Variants in IL1RAPL2 observed in about 807,000 individuals in gnomAD.
IL1RAPL2 encodes X-linked interleukin-1 receptor accessory protein-like 2.
Under a neutral mutation model 44.1 loss-of-function variants are expected in IL1RAPL2, and 3 were observed. That is an observed-to-expected ratio of 0.07 (90% confidence interval 0.03 to 0.18). The LOEUF (loss-of-function observed/expected upper bound fraction) is 0.18. Ranked by LOEUF, IL1RAPL2 falls within the 10% of genes least tolerant of loss-of-function variation. The pLI, the probability that IL1RAPL2 is intolerant of heterozygous loss-of-function variation, is 1.00. For missense variants in IL1RAPL2, 391 were observed against 496.4 expected, an observed-to-expected ratio of 0.79 and a Z score of 2.02; for synonymous variants, 181 against 178.8, an observed-to-expected ratio of 1.01 and a Z score of -0.10.
chrX:104,676,543 C>T (rs1387589838), intron 2 of IL1RAPL2, among the ~76,000 whole-genome samples: 1 of 111,810 alleles, frequency 8.9e-6, no homozygotes, highest in African/African-American at 3.3e-5. Context: ...TTTTTTCCTT[C>T]ATTTCAACTT....
chrX:105,644,845 G>C (rs1010364182), intron 6 of IL1RAPL2, among the ~76,000 whole-genome samples: 1 of 110,816 alleles, frequency 9.0e-6, no homozygotes, highest in Non-Finnish European at 1.9e-5. Flanking sequence ...CCACTTATGA[G>C]TGAGAACATG....
Position 104,769,402 on chromosome X carries a change from C to T in IL1RAPL2, c.82+110407C>T, listed in dbSNP as rs192952587. 4.7e-3 allele frequency among the ~76,000 whole-genome samples: 525 copies of T among 111,747 alleles called. 3 individuals are homozygous for T. Among genetic ancestry groups the T allele is most frequent in the Non-Finnish European group, 7.5e-3 (397 of 53,099 alleles). ...AGTTTTCTAAGGTCACTTAATAAGA[C>T]AAGGAAGAGCCATGTTGGGTAATTA... On this transcript the variant is annotated intron_variant, in intron 2 of 10. Coordinates refer to ENST00000372582, the MANE Select transcript of IL1RAPL2 (RefSeq NM_017416.2).
intron 9 of IL1RAPL2, among the ~76,000 whole-genome samples, chrX:105,750,935 A>G (rs773649008): frequency 1.8e-5 from 2 of 111,038 alleles, no homozygotes; most frequent in Non-Finnish European, 3.8e-5. Context: ...AAGTGGCTAA[A>G]CTATCCAATT....
At chrX:104,582,622 TTC>T (rs1479152198) in intron 1 of IL1RAPL2, among the ~76,000 whole-genome samples, 1 of 74,240 alleles carries the variant, frequency 1.3e-5, no homozygotes, top group Non-Finnish European at 2.5e-5. Flanking sequence ...CTTTCTTTCT[TTC>T]TTTCTTTCTT....
intron 2 of IL1RAPL2, among the ~76,000 whole-genome samples, chrX:104,969,092 T>A (rs758850769): frequency 6.4e-5 from 7 of 108,659 alleles, no homozygotes; most frequent in Middle Eastern, 5.0e-3. Context: ...GCCAAGAAAA[T>A]TTTTATGAAG....
At position 105,510,853 on chromosome X, in the gene IL1RAPL2, C is replaced by T. The variant is rs186548781; in HGVS notation, c.772+26466C>T. Among the ~76,000 whole-genome samples the T allele has an allele frequency of 5.3e-3, 596 of 111,504 alleles. 7 individuals carry two copies. Among genetic ancestry groups the T allele is most frequent in the African/African-American group, 0.019 (577 of 30,662 alleles). Reference sequence around the variant, plus strand: ...TACAGTCCTGCCAACACTTGATTTTCGCCCCAGACTTGTGACGTACAGAAC... The same window carrying T: ...TACAGTCCTGCCAACACTTGATTTTTGCCCCAGACTTGTGACGTACAGAAC... On this transcript the variant is annotated intron_variant, in intron 6 of 10. Transcript: ENST00000372582.
chrX:105,248,173 TG>T (rs1484372281), intron 4 of IL1RAPL2, among the ~76,000 whole-genome samples: 1 of 111,607 alleles, frequency 9.0e-6, no homozygotes, highest in Non-Finnish European at 1.9e-5. Flanking sequence ...TAAACATACA[TG>T]CTTCCTTACA....
rs1352739844 is a variant in IL1RAPL2, at chrX:105,558,683, TC to T, written c.772+74297del. ...CTTTTGACTCAAACTTTGTGTACTT[TC>T]TAAAATCTAAATTAAAATTTTCCTT... On this transcript the variant is annotated intron_variant, in intron 6 of 10. Transcript: ENST00000372582. Among the ~76,000 whole-genome samples the T allele has an allele frequency of 2.7e-5, 3 of 112,311 alleles. No individual in the cohort carries two copies. In the East Asian group the frequency reaches 8.3e-4, roughly 31 times the overall value.
chrX:105,227,361 C>T (rs1467325913), intron 3 of IL1RAPL2, among the ~76,000 whole-genome samples: 1 of 111,636 alleles, frequency 9.0e-6, no homozygotes, highest in Non-Finnish European at 1.9e-5. Flanking sequence ...CTAGAGATAT[C>T]ATCTATGAAT....
chrX:105,037,503 C>T (rs888229724), intron 2 of IL1RAPL2, among the ~76,000 whole-genome samples: 1 of 110,923 alleles, frequency 9.0e-6, no homozygotes, highest in Non-Finnish European at 1.9e-5. Flanking sequence ...CATTAAGCAC[C>T]TTCTATGTGC....
At chrX:104,812,639 G>T (rs773644023) in intron 2 of IL1RAPL2, among the ~76,000 whole-genome samples, 2 of 111,620 alleles carry the variant, frequency 1.8e-5, no homozygotes, top group East Asian at 2.8e-4. Flanking sequence ...GCTGGTAATA[G>T]GTGGCCCATA....
At chrX:105,657,644 C>T (rs959525809) in intron 6 of IL1RAPL2, among the ~76,000 whole-genome samples, 1 of 112,082 alleles carries the variant, frequency 8.9e-6, no homozygotes, top group Non-Finnish European at 1.9e-5. Context: ...GATGGAGTTT[C>T]GCCCTTGTTG....
chrX:104,582,376 T>G (rs772453371), intron 1 of IL1RAPL2, among the ~76,000 whole-genome samples: 8 of 112,116 alleles, frequency 7.1e-5, no homozygotes, highest in Admixed American at 4.7e-4. Flanking sequence ...AAAGTGTGTT[T>G]GCATGAAAAA....
intron 2 of IL1RAPL2, among the ~76,000 whole-genome samples, chrX:104,794,981 C>T (rs1322253939): frequency 9.0e-6 from 1 of 111,531 alleles, no homozygotes; most frequent in African/African-American, 3.3e-5. Flanking sequence ...TTATGAACCT[C>T]CAAATGTTGC....
chrX:105,585,653 T>C (rs2037121926), intron 6 of IL1RAPL2, among the ~76,000 whole-genome samples: 4 of 111,546 alleles, frequency 3.6e-5, no homozygotes, highest in Admixed American at 1.9e-4. Context: ...CTGAGGTTAA[T>C]AGCTTCCAGC....
At chrX:105,496,121 T>G (rs1429812408) in intron 6 of IL1RAPL2, among the ~76,000 whole-genome samples, 2 of 112,410 alleles carry the variant, frequency 1.8e-5, no homozygotes, top group African/African-American at 6.5e-5. Flanking sequence ...ATAATAACTT[T>G]CAACCAGTTG....
intron 2 of IL1RAPL2, among the ~76,000 whole-genome samples, chrX:104,772,306 G>A (rs1403569595): frequency 1.8e-5 from 2 of 111,944 alleles, no homozygotes; most frequent in African/African-American, 6.5e-5. Flanking sequence ...ATTTCAATGT[G>A]GCAAAAATAC....
chrX:104,978,887 G>A lies in IL1RAPL2; in HGVS notation c.83-216588G>A, dbSNP rs182809556. Among the ~76,000 whole-genome samples the A allele has an allele frequency of 3.6e-5, 4 of 111,464 alleles. No homozygotes were observed. The Admixed American group carries it at 3.8e-4, about 11-fold the overall frequency. ...AACCATTAACTCTATTGAGGAACAT[G>A]AATAGATGGAGAGAAATATCCTGTT... On this transcript the variant is annotated intron_variant, in intron 2 of 10. Coordinates refer to ENST00000372582, the MANE Select transcript of IL1RAPL2 (RefSeq NM_017416.2).
intron 2 of IL1RAPL2, among the ~76,000 whole-genome samples, chrX:104,688,299 A>G (rs1448370480): frequency 6.2e-5 from 7 of 112,068 alleles, no homozygotes; most frequent in Non-Finnish European, 1.3e-4. Flanking sequence ...ATAAAGTTAA[A>G]GGGATTTTTT....
Sources: gnomAD v4.1 joint callset for allele counts (sites outside exome capture counted in the v4.1 genomes callset) on GRCh38, gnomAD v4.1.1 for gene constraint, MANE v1.5 for transcripts, NCBI Gene and HGNC (gene_info 2026-07-23, HGNC 2026-07-21) for gene names.